The following PTPRK variants were observed in gnomAD, a reference collection of about 807,000 sequenced individuals.
PTPRK encodes the protein receptor-type tyrosine-protein phosphatase kappa.
Under a neutral mutation model 178.0 loss-of-function variants are expected in PTPRK, and 75 were observed. The ratio of observed to expected loss-of-function variants is 0.42; its 90% CI spans 0.35 to 0.51. The LOEUF is 0.51. Ranked by LOEUF, PTPRK falls within the 20% of genes least tolerant of loss-of-function variation. The pLI is 0.02. For synonymous variants in PTPRK, 637 were observed against 620.6 expected (o/e 1.03, Z -0.39); for missense variants, 1,441 against 1,797.8 (o/e 0.80, Z 3.59).
intron 1 of PTPRK, among the ~76,000 whole-genome samples, chr6:128,459,556 A>G (rs2128411191): frequency 6.6e-6 from 1 of 152,370 alleles, no homozygotes; most frequent in South Asian, 2.1e-4. Flanking sequence ...GAAACAGCAC[A>G]GGCCAGAAGT....
At chr6:128,453,444 G>C (rs1848028035) in intron 1 of PTPRK, among the ~76,000 whole-genome samples, 1 of 152,148 alleles carries the variant, frequency 6.6e-6, no homozygotes, top group Admixed American at 6.6e-5. Context: ...TGTTATGAGG[G>C]TAAATAAGCT....
chr6:128,361,280 GAAT>G (rs1245657587), intron 2 of PTPRK, among the ~76,000 whole-genome samples: 13 of 152,092 alleles, frequency 8.5e-5, no homozygotes, highest in African/African-American at 2.4e-4. Context: ...TTGTGCCCAT[GAAT>G]AGTTACCTGT....
intron 2 of PTPRK, among the ~76,000 whole-genome samples, chr6:128,359,866 T>C (rs2128341778): frequency 6.6e-6 from 1 of 152,234 alleles, no homozygotes; most frequent in Admixed American, 6.5e-5. Flanking sequence ...AGCCATAGAG[T>C]GCATGGCAAT....
chr6:128,457,034 T>C (rs999311050), intron 1 of PTPRK, among the ~76,000 whole-genome samples: 3 of 152,132 alleles, frequency 2.0e-5, no homozygotes, highest in African/African-American at 7.2e-5. Context: ...CTGACATCAA[T>C]TTGTTGCCAT....
chr6:128,144,274 T>C (rs996072736), intron 7 of PTPRK, among the ~76,000 whole-genome samples: 6 of 152,144 alleles, frequency 3.9e-5, no homozygotes, highest in African/African-American at 1.4e-4. Flanking sequence ...TACCAAATAA[T>C]GAAATAAAAA....
At chr6:128,440,934 T>C (rs1846205538) in intron 1 of PTPRK, among the ~76,000 whole-genome samples, 2 of 151,930 alleles carry the variant, frequency 1.3e-5, no homozygotes, top group African/African-American at 4.8e-5. Context: ...CCAGGGAAGG[T>C]GTTGTTAGAT....
At chr6:128,237,433 G>C (rs1203897165) in intron 5 of PTPRK, among the ~76,000 whole-genome samples, 1 of 152,102 alleles carries the variant, frequency 6.6e-6, no homozygotes, top group Non-Finnish European at 1.5e-5. Flanking sequence ...TTCTCACAAT[G>C]ATACTTAAAG....
chr6:127,973,289 A>C, intron 28 of PTPRK, 132 bp from the exon 29 acceptor site: 1 of 1,431,572 alleles, frequency 7.0e-7, no homozygotes, highest in Non-Finnish European at 9.4e-7. Context: ...ATTTTGCTTT[A>C]TATGTGTACA....
chr6:128,033,737 T>C (rs1007079776), intron 13 of PTPRK, among the ~76,000 whole-genome samples: 17 of 151,838 alleles, frequency 1.1e-4, no homozygotes, highest in African/African-American at 3.6e-4. Flanking sequence ...ATTAGCTGAG[T>C]GTGATGGCTT....
chr6:128,074,575 G>C (rs1000209689), intron 11 of PTPRK, among the ~76,000 whole-genome samples: 1 of 152,046 alleles, frequency 6.6e-6, no homozygotes, highest in African/African-American at 2.4e-5. Flanking sequence ...TGATTGTCAA[G>C]TGATGACAGT....
At chr6:128,179,153 T>C (rs1321713933) in intron 7 of PTPRK, among the ~76,000 whole-genome samples, 1 of 152,008 alleles carries the variant, frequency 6.6e-6, no homozygotes, top group Non-Finnish European at 1.5e-5. Context: ...TCTCATTTTA[T>C]TCATTTCACT....
intron 7 of PTPRK, among the ~76,000 whole-genome samples, chr6:128,098,236 T>G (rs1216983854): frequency 6.6e-6 from 1 of 152,090 alleles, no homozygotes; most frequent in Non-Finnish European, 1.5e-5. Context: ...TAATTCCAAT[T>G]ATTCATTTCT....
intron 1 of PTPRK, among the ~76,000 whole-genome samples, chr6:128,448,386 A>G (rs1181264348): frequency 6.6e-6 from 1 of 152,116 alleles, no homozygotes; most frequent in Non-Finnish European, 1.5e-5. Flanking sequence ...TTTTCATTTC[A>G]CACCCTTTCT....
intron 19 of PTPRK, 126 bp from the exon 20 acceptor site, chr6:127,991,517 G>A: frequency 1.9e-6 from 1 of 522,348 alleles, no homozygotes; most frequent in Non-Finnish European, 3.0e-6. Context: ...AAATGTCACT[G>A]AAAATACTTA....
At chr6:128,438,118 G>A (rs1323825596) in intron 1 of PTPRK, among the ~76,000 whole-genome samples, 1 of 152,228 alleles carries the variant, frequency 6.6e-6, no homozygotes, top group Non-Finnish European at 1.5e-5. Flanking sequence ...GTTCAAGCCC[G>A]TGTTGTTCAA....
intron 6 of PTPRK, among the ~76,000 whole-genome samples, chr6:128,197,675 T>C (rs572160134): frequency 6.6e-6 from 1 of 152,138 alleles, no homozygotes; most frequent in African/African-American, 2.4e-5. Context: ...CTAGGTGATA[T>C]TCAAATTACA....
chr6:128,205,479 G>A (rs1260998554), intron 6 of PTPRK, among the ~76,000 whole-genome samples: 1 of 152,072 alleles, frequency 6.6e-6, no homozygotes, highest in African/African-American at 2.4e-5. Context: ...GCCAGGCGTG[G>A]TGGCTCACGC....
intron 5 of PTPRK, among the ~76,000 whole-genome samples, chr6:128,221,006 T>C (rs569031494): frequency 3.3e-5 from 5 of 152,182 alleles, no homozygotes; most frequent in Non-Finnish European, 7.4e-5. Context: ...ACTCATTGGT[T>C]CCAGCATTCC....
chr6:128,299,938 C>T (rs1825271694), intron 3 of PTPRK, among the ~76,000 whole-genome samples: 2 of 151,968 alleles, frequency 1.3e-5, no homozygotes, highest in South Asian at 4.2e-4. Flanking sequence ...AACAGGCAAC[C>T]TACAAAATGG....
Sources: allele counts gnomAD v4.1 joint callset (sites outside exome capture counted in the v4.1 genomes callset), GRCh38; gene constraint gnomAD v4.1.1; transcripts MANE v1.5; gene names NCBI Gene and HGNC (gene_info 2026-07-23, HGNC 2026-07-21).